The following LAMA2 variants were observed in gnomAD, a reference collection of about 807,000 sequenced individuals.
LAMA2 encodes the protein laminin subunit alpha 2.
Under a neutral mutation model 364.8 loss-of-function variants are expected in LAMA2, and 269 were observed. That is an observed-to-expected ratio of 0.74 (90% confidence interval 0.67 to 0.82). The LOEUF (loss-of-function observed/expected upper bound fraction) is 0.82, where lower values mean the gene tolerates loss of function less well. Among genes scored for constraint, LAMA2 ranks in the 40% least tolerant of loss-of-function variants. The probability of loss-of-function intolerance (pLI) is 0.00; values close to 1 mark genes in which losing one functional copy is unlikely to be tolerated. For missense variants in LAMA2, 3,807 were observed against 3,873.2 expected (o/e 0.98, Z 0.45); for synonymous variants, 1,379 against 1,370.6 (o/e 1.01, Z -0.14).
chr6:129,299,567 T>A (rs1381172061), intron 21 of LAMA2, among the ~76,000 whole-genome samples: 1 of 152,190 alleles, frequency 6.6e-6, no homozygotes, highest in Non-Finnish European at 1.5e-5. Context: ...TTGCAAGTAA[T>A]GATTTGCACT....
chr6:129,512,675 G>A (rs1180704570), intron 63 of LAMA2, among the ~76,000 whole-genome samples, 182 bp downstream of exon 63: 2 of 152,292 alleles, frequency 1.3e-5, no homozygotes, highest in Admixed American at 6.5e-5. Flanking sequence ...TCAGCATGTT[G>A]TAGGCCAGTA....
At chr6:128,970,082 A>C (rs73773598) in intron 1 of LAMA2, among the ~76,000 whole-genome samples, 1,546 of 152,296 alleles carry the variant, frequency 0.01, 33 homozygotes, top group African/African-American at 0.035. Flanking sequence ...TATTCTTTAA[A>C]TGTCTTTAAA....
At chr6:129,096,079 T>G (rs1237878014) in intron 3 of LAMA2, among the ~76,000 whole-genome samples, 1 of 152,216 alleles carries the variant, frequency 6.6e-6, no homozygotes, top group Non-Finnish European at 1.5e-5. Flanking sequence ...CAGAGACAAC[T>G]CTATCTGTGC....
chr6:129,401,188 A>AT, intron 37 of LAMA2, 36 bp from the exon 38 acceptor site: 1 of 1,315,088 alleles, frequency 7.6e-7, no homozygotes, highest in Non-Finnish European at 1.1e-6. Flanking sequence ...TTTTATGAAA[A>AT]TGCAATTTTG....
chr6:129,411,341 T>G (rs1434393400), intron 40 of LAMA2, among the ~76,000 whole-genome samples: 2 of 152,004 alleles, frequency 1.3e-5, no homozygotes, highest in African/African-American at 4.8e-5. Flanking sequence ...AAATACAGAA[T>G]AAAGTGAGGG....
At chr6:128,949,004 A>G (rs1441662984) in intron 1 of LAMA2, among the ~76,000 whole-genome samples, 9 of 152,144 alleles carry the variant, frequency 5.9e-5, no homozygotes, top group Admixed American at 5.2e-4. Context: ...GATATTTGGT[A>G]TTTTCTAGTC....
At chr6:129,129,766 T>C (rs930918715) in intron 4 of LAMA2, among the ~76,000 whole-genome samples, 1 of 150,848 alleles carries the variant, frequency 6.6e-6, no homozygotes, top group African/African-American at 2.4e-5. Context: ...CTACTAAAAA[T>C]ACAAAAAATT....
intron 36 of LAMA2, among the ~76,000 whole-genome samples, chr6:129,392,813 C>A (rs1779391850): frequency 6.6e-6 from 1 of 152,184 alleles, no homozygotes; most frequent in African/African-American, 2.4e-5. Context: ...ATTTTACTTA[C>A]AAATTTAAAA....
chr6:128,938,659 G>A (rs567814148), intron 1 of LAMA2, among the ~76,000 whole-genome samples: 28 of 152,242 alleles, frequency 1.8e-4, no homozygotes, highest in Non-Finnish European at 3.7e-4. Flanking sequence ...GATGTCCTTC[G>A]GAGAAGTATT....
At chr6:129,338,301 C>T (rs1405477066) in intron 29 of LAMA2, among the ~76,000 whole-genome samples, 1 of 152,136 alleles carries the variant, frequency 6.6e-6, no homozygotes, top group Non-Finnish European at 1.5e-5. Context: ...GTATTTTTGG[C>T]ACATTCATCT....
chr6:128,981,541 G>A (rs1003408514), intron 1 of LAMA2, among the ~76,000 whole-genome samples: 20 of 145,074 alleles, frequency 1.4e-4, no homozygotes, highest in Admixed American at 1.1e-3. Context: ...TCAGGAGTTC[G>A]AGACCAGCCT....
chr6:129,011,472 A>G (rs1784763173), intron 1 of LAMA2, among the ~76,000 whole-genome samples: 1 of 152,146 alleles, frequency 6.6e-6, no homozygotes, highest in South Asian at 2.1e-4. Context: ...ACATTTATCA[A>G]ATAACCGTGA....
At chr6:128,887,071 C>T (rs1217774245) in intron 1 of LAMA2, among the ~76,000 whole-genome samples, 1 of 152,028 alleles carries the variant, frequency 6.6e-6, no homozygotes, top group Admixed American at 6.6e-5. Context: ...GTTTTTAAAT[C>T]CCTTCTGGGA....
intron 15 of LAMA2, among the ~76,000 whole-genome samples, chr6:129,262,272 T>C (rs889695790): frequency 5.3e-5 from 8 of 152,088 alleles, no homozygotes; most frequent in African/African-American, 1.7e-4. Flanking sequence ...ACATAATCCC[T>C]GTCCTATCTG....
At chr6:128,949,341 C>G (rs73773586) in intron 1 of LAMA2, among the ~76,000 whole-genome samples, 1,532 of 152,226 alleles carry the variant, frequency 0.01, 30 homozygotes, top group African/African-American at 0.035. Context: ...CCTGCCCCAG[C>G]TCTCCTTTTA....
intron 15 of LAMA2, among the ~76,000 whole-genome samples, chr6:129,262,780 A>G (rs972239073): frequency 6.6e-6 from 1 of 152,082 alleles, no homozygotes; most frequent in South Asian, 2.1e-4. Context: ...TAGCCTTGTT[A>G]TCACTAATAT....
intron 1 of LAMA2, among the ~76,000 whole-genome samples, chr6:129,044,174 G>GTATA (rs564016729): frequency 2.4e-5 from 3 of 124,780 alleles, no homozygotes; most frequent in East Asian, 2.0e-4. Context: ...TTTGCTGTGT[G>GTATA]TATATATATA....
At chr6:129,158,615 G>T in intron 8 of LAMA2, 1 of 1,614,132 alleles carries the variant, frequency 6.2e-7, no homozygotes, top group Non-Finnish European at 8.5e-7. Flanking sequence ...AGCTGGAGAA[G>T]ATGATCATAG....
At chr6:129,300,963 A>G (rs1773515175) in intron 22 of LAMA2, 91 bp downstream of exon 22, 1 of 1,059,328 alleles carries the variant, frequency 9.4e-7, no homozygotes, top group Non-Finnish European at 1.5e-6. Flanking sequence ...ATTCAATATT[A>G]CATCACAAAA....
Sources: gnomAD v4.1 joint callset for allele counts (sites outside exome capture counted in the v4.1 genomes callset) on GRCh38, gnomAD v4.1.1 for gene constraint, MANE v1.5 for transcripts, NCBI Gene and HGNC (gene_info 2026-07-23, HGNC 2026-07-21) for gene names.